ZNF804B: variants seen among roughly 807,000 people sequenced by gnomAD.
The protein encoded by ZNF804B is zinc finger 804B.
A neutral mutation model predicts 101.4 loss-of-function variants in ZNF804B; 80 were observed. That is an observed-to-expected ratio of 0.79 (90% CI 0.66 to 0.95). ZNF804B has a LOEUF of 0.95. Among genes scored for constraint, ZNF804B ranks in the 40% least tolerant of loss-of-function variants. The pLI is 0.00. For missense variants in ZNF804B, 1,673 were observed against 1,561.9 expected (o/e 1.07, Z -1.20); for synonymous variants, 622 against 558.8 (o/e 1.11, Z -1.59).
At chr7:89,328,858 C>A (rs62469515) in intron 3 of ZNF804B, among the ~76,000 whole-genome samples, 1 of 151,766 alleles carries the variant, frequency 6.6e-6, no homozygotes, top group Non-Finnish European at 1.5e-5. Flanking sequence ...AAAGTTGTCA[C>A]ACTTCTACAT....
chr7:89,144,607 A>G (rs911123792), intron 1 of ZNF804B, among the ~76,000 whole-genome samples: 2 of 151,974 alleles, frequency 1.3e-5, no homozygotes, highest in African/African-American at 4.8e-5. Context: ...GTTAGACAGG[A>G]GAAATAAGAT....
intron 1 of ZNF804B, chr7:88,794,905 C>T (rs1255484736): frequency 1.2e-6 from 2 of 1,605,842 alleles, no homozygotes; most frequent in East Asian, 2.2e-5. Context: ...TGGCAAAGGC[C>T]TTTTGCTGCC....
chr7:88,760,360 A>G (rs1283935633), intron 1 of ZNF804B, among the ~76,000 whole-genome samples: 1 of 152,252 alleles, frequency 6.6e-6, no homozygotes, highest in Non-Finnish European at 1.5e-5. Context: ...AGTCAACTGC[A>G]GGGCTCAGAA....
At chr7:89,150,361 C>G (rs1790855017) in intron 1 of ZNF804B, among the ~76,000 whole-genome samples, 1 of 152,008 alleles carries the variant, frequency 6.6e-6, no homozygotes, top group African/African-American at 2.4e-5. Context: ...TATGTTGAGG[C>G]CCAGGAAGCT....
At chr7:89,005,841 A>T (rs1398742210) in intron 1 of ZNF804B, among the ~76,000 whole-genome samples, 1 of 152,076 alleles carries the variant, frequency 6.6e-6, no homozygotes, top group Non-Finnish European at 1.5e-5. Flanking sequence ...CACCAGCTCT[A>T]AGTGATTTTT....
intron 1 of ZNF804B, among the ~76,000 whole-genome samples, chr7:88,981,380 C>G (rs1793692145): frequency 6.6e-6 from 1 of 152,066 alleles, no homozygotes; most frequent in Non-Finnish European, 1.5e-5. Flanking sequence ...AGTTCCAAGA[C>G]AAAGTCTTCT....
rs1285289997 is a variant in ZNF804B at position 88,955,102 on chromosome 7, A to G, written c.108+195018A>G. ...TCGTGAGCCCTTGTCTCTATTTAAAAAAAAAAAAAAGGAAAAAAAAGTTTT... is the reference window on the plus strand; with the variant it reads ...TCGTGAGCCCTTGTCTCTATTTAAAGAAAAAAAAAAGGAAAAAAAAGTTTT... On this transcript the variant is annotated intron_variant, in intron 1 of 3. Transcript: ENST00000333190. Among the ~76,000 whole-genome samples the G allele has an allele frequency of 2.0e-5, 3 of 150,580 alleles. 1 individual carries two copies. Among genetic ancestry groups the G allele is most frequent in the African/African-American group, 7.3e-5 (3 of 41,194 alleles).
intron 1 of ZNF804B, among the ~76,000 whole-genome samples, chr7:89,151,712 T>C (rs574587650): frequency 6.8e-6 from 1 of 146,762 alleles, no homozygotes; most frequent in Non-Finnish European, 1.5e-5. Context: ...AAAAAAAAAA[T>C]AATTTTCCTG....
intron 1 of ZNF804B, among the ~76,000 whole-genome samples, chr7:88,760,918 TATATATATAATA>T (rs1789886280): frequency 6.8e-6 from 1 of 146,774 alleles, no homozygotes; most frequent in South Asian, 2.1e-4. Context: ...ATATAATAAA[TATATATATAATA>T]AATATATATA....
chr7:88,974,400 T>G (rs2116118332), intron 1 of ZNF804B, among the ~76,000 whole-genome samples: 1 of 151,346 alleles, frequency 6.6e-6, no homozygotes, highest in Middle Eastern at 3.4e-3. Flanking sequence ...TAAATGATAA[T>G]TATGTGAGGT....
At chr7:88,990,384 T>G (rs1006498425) in intron 1 of ZNF804B, among the ~76,000 whole-genome samples, 1 of 152,146 alleles carries the variant, frequency 6.6e-6, no homozygotes, top group African/African-American at 2.4e-5. Flanking sequence ...ACACACATAC[T>G]TTCTCTCTCT....
At chr7:89,070,598 A>G (rs2116296503) in intron 1 of ZNF804B, among the ~76,000 whole-genome samples, 1 of 152,286 alleles carries the variant, frequency 6.6e-6, no homozygotes, top group Non-Finnish European at 1.5e-5. Context: ...AATTGATGGT[A>G]ATAATAGGAT....
chr7:89,170,793 G>T (rs115698140), intron 1 of ZNF804B, among the ~76,000 whole-genome samples: 1 of 152,112 alleles, frequency 6.6e-6, no homozygotes. Context: ...TCCCCTACAG[G>T]TGCCACCACC....
At chr7:89,104,494 T>C (rs2116343325) in intron 1 of ZNF804B, among the ~76,000 whole-genome samples, 1 of 152,134 alleles carries the variant, frequency 6.6e-6, no homozygotes, top group Admixed American at 6.6e-5. Context: ...CAGAAATTTA[T>C]CCATTTTCCC....
At chr7:89,321,069 A>T (rs776059439) in intron 2 of ZNF804B, among the ~76,000 whole-genome samples, 8 of 152,226 alleles carry the variant, frequency 5.3e-5, no homozygotes, top group Non-Finnish European at 8.8e-5. Flanking sequence ...TTTACCATGT[A>T]TACTGAAATG....
At chr7:89,307,073 T>C (rs1464118425) in intron 2 of ZNF804B, among the ~76,000 whole-genome samples, 5 of 151,992 alleles carry the variant, frequency 3.3e-5, no homozygotes, top group Middle Eastern at 3.2e-3. Flanking sequence ...TGATACTAGG[T>C]TGTATAAAAA....
At chr7:88,963,268 T>C (rs2116094449) in intron 1 of ZNF804B, among the ~76,000 whole-genome samples, 1 of 151,400 alleles carries the variant, frequency 6.6e-6, no homozygotes, top group South Asian at 2.1e-4. Flanking sequence ...TTTAAAAACA[T>C]GTACAAAGGT....
chr7:89,018,202 TTTG>T (rs1454076366), intron 1 of ZNF804B, among the ~76,000 whole-genome samples: 1 of 152,124 alleles, frequency 6.6e-6, no homozygotes, highest in Admixed American at 6.6e-5. Flanking sequence ...CTATATCCAG[TTTG>T]TTGAGAATTT....
At position 89,105,071 on chromosome 7, in the gene ZNF804B, A is replaced by G. The variant is rs77319066; in HGVS notation, c.109-113084A>G. 5.2e-3 allele frequency among the ~76,000 whole-genome samples: 785 copies of G among 152,184 alleles called. 5 individuals are homozygous for G. The highest frequency in any genetic ancestry group is 0.015 in the African/African-American group (619 of 41,532). The stretch of plus-strand genomic sequence containing the variant: ...GCTTAAACTATACCTTCTGATTTCA[A>G]TGGTTACTTGGTTTTGCCCTTCTCC... On this transcript the variant is annotated intron_variant, in intron 1 of 3. Transcript: ENST00000333190.
Sources: gnomAD v4.1 joint callset for allele counts (sites outside exome capture counted in the v4.1 genomes callset) on GRCh38, gnomAD v4.1.1 for gene constraint, MANE v1.5 for transcripts, NCBI Gene and HGNC (gene_info 2026-07-23, HGNC 2026-07-21) for gene names.